CACNA2D2: variants seen among roughly 807,000 people sequenced by gnomAD.
The protein encoded by CACNA2D2 is calcium voltage-gated channel auxiliary subunit alpha2delta 2.
CACNA2D2 carries 48 observed loss-of-function variants against 166.4 expected under a neutral mutation model. That is an observed-to-expected ratio of 0.29 (90% CI 0.23 to 0.37). The LOEUF (loss-of-function observed/expected upper bound fraction) is 0.37. CACNA2D2 is among the 10% of genes least tolerant of loss of function. The pLI, the probability that CACNA2D2 is intolerant of heterozygous loss-of-function variation, is 1.00. For missense variants in CACNA2D2, 1,122 were observed against 1,433.0 expected, an observed-to-expected ratio of 0.78 and a Z score of 3.50; for synonymous variants, 561 against 573.7, an observed-to-expected ratio of 0.98 and a Z score of 0.32.
At chr3:50,389,866 G>A (rs1705801754) in intron 4 of CACNA2D2, among the ~76,000 whole-genome samples, 1 of 152,206 alleles carries the variant, frequency 6.6e-6, no homozygotes, top group African/African-American at 2.4e-5. Context: ...CCTCTAGGAG[G>A]GCGAGACCAT....
intron 3 of CACNA2D2, among the ~76,000 whole-genome samples, chr3:50,395,430 C>G (rs1038870610): frequency 6.6e-6 from 1 of 152,200 alleles, no homozygotes; most frequent in Non-Finnish European, 1.5e-5. Flanking sequence ...TTGGGCCCAC[C>G]ATGCTCAGTG....
chr3:50,476,670 T>C (rs1211845974), intron 1 of CACNA2D2, among the ~76,000 whole-genome samples: 1 of 152,154 alleles, frequency 6.6e-6, no homozygotes, highest in East Asian at 1.9e-4. Context: ...CACCAAGTCA[T>C]TGTGTAACTG....
At chr3:50,383,679 GA>G (rs1346625103) in intron 6 of CACNA2D2, among the ~76,000 whole-genome samples, 1 of 152,174 alleles carries the variant, frequency 6.6e-6, no homozygotes, top group Non-Finnish European at 1.5e-5. Context: ...CTCTGGGCAG[GA>G]AAACTCCCTA....
At position 50,370,216 on chromosome 3, in the gene CACNA2D2, T is replaced by C. The variant is rs1031006929; in HGVS notation, c.2045+104A>G. On this transcript the variant is annotated intron_variant, in intron 23 of 37. Coordinates refer to ENST00000424201, the MANE Select transcript of CACNA2D2 (RefSeq NM_006030.4). ...ATGTATGGGGGCCGGGGGATGACAC[T>C]GCACAGGACACAGACACACAGAGCT... The C allele has an allele frequency of 1.4e-4, 115 of 797,946 alleles. No individual in the cohort carries two copies. The African/African-American group carries it at 1.5e-3, about 11-fold the overall frequency. The allele number at this position is 797,946 out of a possible 1,614,324, so 49.4% of individuals were successfully genotyped here.
intron 3 of CACNA2D2, among the ~76,000 whole-genome samples, chr3:50,432,502 T>C (rs1559942023): frequency 6.6e-6 from 1 of 151,886 alleles, no homozygotes; most frequent in Non-Finnish European, 1.5e-5. Context: ...TGGAAGGAAG[T>C]GGGGTGGAGA....
intron 3 of CACNA2D2, among the ~76,000 whole-genome samples, chr3:50,407,097 G>A (rs1232581029): frequency 2.0e-5 from 3 of 151,758 alleles, no homozygotes; most frequent in African/African-American, 7.2e-5. Context: ...CTGGCCCTGG[G>A]CACTCTTACT....
At chr3:50,489,359 C>T (rs1698422135) in intron 1 of CACNA2D2, among the ~76,000 whole-genome samples, 1 of 152,216 alleles carries the variant, frequency 6.6e-6, no homozygotes, top group Admixed American at 6.5e-5. Flanking sequence ...ACCTGTGAAA[C>T]ATACTTCCCC....
intron 2 of CACNA2D2, among the ~76,000 whole-genome samples, chr3:50,437,606 A>C (rs1575685655): frequency 6.6e-6 from 1 of 152,134 alleles, no homozygotes; most frequent in African/African-American, 2.4e-5. Context: ...CTGAGCCCCA[A>C]ATCCCCAGGA....
chr3:50,499,574 C>T (rs1373621177), intron 1 of CACNA2D2, among the ~76,000 whole-genome samples: 1 of 152,188 alleles, frequency 6.6e-6, no homozygotes, highest in Admixed American at 6.5e-5. Context: ...CCCCAAACTA[C>T]ATCCTCCCAG....
In CACNA2D2 at chr3:50,366,450, A is replaced by G; in HGVS notation, c.2638-112T>C. On this transcript the variant is annotated intron_variant, in intron 30 of 37. Transcript: ENST00000424201. The surrounding 1 kb of genome is among the most constrained non-coding windows in gnomAD (Gnocchi z 5.9). Reference sequence around the variant, plus strand: ...GGGCATCACTCCCCCAGTCCTGGGAAGGCTGTGAAGTCAGGGTGGGGATGT... The same window carrying G: ...GGGCATCACTCCCCCAGTCCTGGGAGGGCTGTGAAGTCAGGGTGGGGATGT... 2.1e-6 allele frequency: 3 copies of G among 1,460,998 alleles called. No homozygotes were observed. The highest frequency in any genetic ancestry group is 2.3e-5 in the East Asian group (1 of 44,062). The allele number at this position is 1,460,998 out of a possible 1,614,324, so 90.5% of individuals were successfully genotyped here.
intron 2 of CACNA2D2, among the ~76,000 whole-genome samples, chr3:50,447,745 G>A (rs1043381454): frequency 3.9e-5 from 6 of 152,116 alleles, no homozygotes; most frequent in Non-Finnish European, 8.8e-5. Context: ...CCCTGAGCTG[G>A]CAGCCTCCCT....
chr3:50,379,584 C>T lies in CACNA2D2; in HGVS notation c.1000G>A (p.Glu334Lys), dbSNP rs743855. ...AAGCATGACACAGGCTGTGCCTTCT[C>T]GTTGAACTGCAGGAACAGTAGGGTG... ...DDYVNVASFNEKAQPVSCFTH... is the reference protein window; with the variant it reads ...DDYVNVASFNKKAQPVSCFTH... Residue 334 changes from glutamate (E) to lysine (K), a missense_variant, in exon 11 of 38, where the codon GAG becomes AAG. Physicochemically the swap from Glu to Lys is moderately conservative, Grantham distance 56 (BLOSUM62 1). Transcript: ENST00000424201. This position sits in a 1 kb window ranked among gnomAD's most constrained non-coding sequence, Gnocchi z 6.5. 2 of 1,613,892 alleles carry T rather than the reference C, an allele frequency of 1.2e-6. No individual in the cohort carries two copies. Among genetic ancestry groups the T allele is most frequent in the Non-Finnish European group, 1.7e-6 (2 of 1,180,030 alleles).
intron 1 of CACNA2D2, among the ~76,000 whole-genome samples, chr3:50,483,765 T>G (rs1302646791): frequency 6.6e-6 from 1 of 152,126 alleles, no homozygotes; most frequent in Non-Finnish European, 1.5e-5. Context: ...CCATGGACCA[T>G]TTAGGGATCC....
chr3:50,459,062 T>C (rs1465265723), intron 2 of CACNA2D2, among the ~76,000 whole-genome samples: 2 of 152,272 alleles, frequency 1.3e-5, no homozygotes, highest in Non-Finnish European at 2.9e-5. Flanking sequence ...AAATCTTTCT[T>C]CATCCCATTC....
chr3:50,387,657 GAGAC>G (rs1217715850), intron 4 of CACNA2D2, 45 bp from the exon 5 acceptor site: 4 of 1,495,314 alleles, frequency 2.7e-6, no homozygotes, highest in East Asian at 4.5e-5. Flanking sequence ...TCAGGGTCCC[GAGAC>G]AGACAGGACT....
intron 3 of CACNA2D2, among the ~76,000 whole-genome samples, chr3:50,404,682 G>A (rs1268179337): frequency 6.6e-6 from 1 of 152,184 alleles, no homozygotes; most frequent in Non-Finnish European, 1.5e-5. Flanking sequence ...GTCAACACAT[G>A]TTTACTGAGC....
At chr3:50,429,050 C>T (rs113410941) in intron 3 of CACNA2D2, among the ~76,000 whole-genome samples, 1 of 152,040 alleles carries the variant, frequency 6.6e-6, no homozygotes, top group South Asian at 2.1e-4. Context: ...CGCAACATAG[C>T]GAAACCCCAG....
At chr3:50,401,834 G>A (rs773257974) in intron 3 of CACNA2D2, among the ~76,000 whole-genome samples, 9 of 151,754 alleles carry the variant, frequency 5.9e-5, no homozygotes, top group Non-Finnish European at 1.2e-4. Context: ...TCAGCCTCCC[G>A]AGTAGCTACA....
At chr3:50,369,884 C>T (rs1704561407) in intron 23 of CACNA2D2, among the ~76,000 whole-genome samples, 1 of 152,244 alleles carries the variant, frequency 6.6e-6, no homozygotes, top group African/African-American at 2.4e-5. Flanking sequence ...CTCTGGCTGG[C>T]TCGGCCCCCA....
Sources: allele counts gnomAD v4.1 joint callset (sites outside exome capture counted in the v4.1 genomes callset), GRCh38; gene constraint gnomAD v4.1.1; non-coding constraint Gnocchi (gnomAD v3.1); transcripts MANE v1.5; gene names NCBI Gene and HGNC (gene_info 2026-07-23, HGNC 2026-07-21).